RARS2: variants seen among roughly 807,000 people sequenced by gnomAD.
The protein encoded by RARS2 is arginyl-tRNA synthetase 2, mitochondrial, also known as probable arginine--tRNA ligase, mitochondrial.
RARS2 carries 67 observed loss-of-function variants against 88.5 expected under a neutral mutation model. The ratio of observed to expected loss-of-function variants is 0.76; its 90% CI spans 0.62 to 0.93. RARS2 has a LOEUF of 0.93. Ranked by LOEUF, RARS2 falls within the 40% of genes least tolerant of loss-of-function variation. The pLI is 0.00. For missense variants in RARS2, 664 were observed against 684.2 expected, an observed-to-expected ratio of 0.97 and a Z score of 0.33; for synonymous variants, 239 against 230.3, an observed-to-expected ratio of 1.04 and a Z score of -0.34.
intron 8 of RARS2, among the ~76,000 whole-genome samples, chr6:87,540,899 C>G (rs974933611): frequency 3.3e-5 from 5 of 151,860 alleles, no homozygotes; most frequent in Non-Finnish European, 7.4e-5. Flanking sequence ...GGAAAAAGCA[C>G]ACACAATTTC....
intron 8 of RARS2, 110 bp from the exon 9 acceptor site, chr6:87,531,052 C>T: frequency 1.3e-6 from 2 of 1,529,380 alleles, no homozygotes; most frequent in Non-Finnish European, 1.8e-6. Context: ...TAAAATTTTC[C>T]AAGTTGGGTA....
At chr6:87,532,162 C>A (rs148482950) in intron 8 of RARS2, among the ~76,000 whole-genome samples, 43 of 152,214 alleles carry the variant, frequency 2.8e-4, no homozygotes, top group African/African-American at 9.6e-4. Context: ...ATGTTAATTA[C>A]TGGAATGACA....
At chr6:87,587,902 C>A (rs1190408412) in intron 1 of RARS2, among the ~76,000 whole-genome samples, 1 of 152,172 alleles carries the variant, frequency 6.6e-6, no homozygotes, top group African/African-American at 2.4e-5. Context: ...TCCCAAGCAG[C>A]TGGGACCACA....
chr6:87,570,450 G>T (rs771613397), intron 1 of RARS2, among the ~76,000 whole-genome samples: 1 of 152,042 alleles, frequency 6.6e-6, no homozygotes, highest in South Asian at 2.1e-4. Flanking sequence ...ACAGAGTCTC[G>T]CTCTGTCACC....
intron 8 of RARS2, among the ~76,000 whole-genome samples, chr6:87,533,358 A>G (rs1222164680): frequency 2.0e-5 from 3 of 152,226 alleles, no homozygotes; most frequent in African/African-American, 7.2e-5. Context: ...AACTGACACT[A>G]TCAAAGAGAA....
chr6:87,589,544 G>A (rs1776332167), intron 1 of RARS2, among the ~76,000 whole-genome samples: 1 of 152,108 alleles, frequency 6.6e-6, no homozygotes. Flanking sequence ...TTAAAATGAG[G>A]TCCTTCTGAA....
chr6:87,589,878 C>T (rs755212890), intron 1 of RARS2, 44 bp downstream of exon 1: 3 of 1,614,064 alleles, frequency 1.9e-6, no homozygotes, highest in African/African-American at 1.3e-5. Flanking sequence ...CCTTTGGGGT[C>T]CCTAGCTCCT....
chr6:87,555,365 A>C (rs1396332941), intron 5 of RARS2, 43 bp downstream of exon 5: 2 of 1,460,808 alleles, frequency 1.4e-6, no homozygotes. Context: ...TCCTCTGCCC[A>C]GTCAACTTGA....
At chr6:87,514,572 A>G in intron 19 of RARS2, 73 bp from the exon 20 acceptor site, 2 of 1,293,604 alleles carry the variant, frequency 1.5e-6, no homozygotes, top group Non-Finnish European at 2.2e-6. Context: ...GAATGGTTTT[A>G]AAGGTTATTC....
Position 87,564,127 on chromosome 6 carries a change from T to C in RARS2, c.213+3A>G. 1.3e-6 allele frequency: 2 copies of C among 1,594,560 alleles called. No individual in the cohort carries two copies. Among genetic ancestry groups the C allele is most frequent in the Admixed American group, 1.7e-5 (1 of 59,998 alleles). ...TCAAAAAGAGATAATAGTGCTAACG[T>C]ACCTTCTCTGCTAGTCTCTTGGCTT... is the stretch of plus-strand genomic sequence containing the variant. On this transcript the variant is annotated splice_donor_region_variant and intron_variant, in intron 3 of 19. Coordinates refer to ENST00000369536, the MANE Select transcript of RARS2 (RefSeq NM_020320.5).
At position 87,555,407 on chromosome 6, in the gene RARS2, C is replaced by A; in HGVS notation, c.395+1G>T. 1.9e-6 allele frequency: 3 copies of A among 1,612,514 alleles called. No individual in the cohort carries two copies. The highest frequency in any genetic ancestry group is 2.5e-6 in the Non-Finnish European group (3 of 1,178,636). ...AACACATAAAAGGGGTGCACCCTCA[C>A]CTGAATTCAACCACAATCTTCTTCT... On this transcript the variant is annotated splice_donor_variant, in intron 5 of 19. Coordinates refer to ENST00000369536, the MANE Select transcript of RARS2 (RefSeq NM_020320.5). LOFTEE classifies it high-confidence loss of function.
In RARS2 at chr6:87,514,505, A is replaced by T; in HGVS notation, c.1651-6T>A. 6.3e-7 allele frequency: 1 copy of T among 1,598,936 alleles called. No individual in the cohort carries two copies. Among genetic ancestry groups the T allele is most frequent in the Non-Finnish European group, 8.6e-7 (1 of 1,166,378 alleles). The stretch of plus-strand genomic sequence containing the variant: ...TTGAAAAGATGAAGTCTGGCCTACA[A>T]AATAAATCAAAGAATGATTTAAAAT... On this transcript the variant is annotated splice_polypyrimidine_tract_variant and splice_region_variant and intron_variant, in intron 19 of 19. Transcript: ENST00000369536.
chr6:87,522,374 C>A (rs1774206331), intron 11 of RARS2, among the ~76,000 whole-genome samples: 1 of 141,512 alleles, frequency 7.1e-6, no homozygotes. Flanking sequence ...AGTCCTTTGA[C>A]AGAATTTCTA....
intron 10 of RARS2, among the ~76,000 whole-genome samples, chr6:87,526,546 C>T (rs1775781838): frequency 6.6e-6 from 1 of 151,500 alleles, no homozygotes; most frequent in Non-Finnish European, 1.5e-5. Context: ...AGGCATCGCA[C>T]TACCTAATCT....
rs1015440377 is a variant in RARS2, at chr6:87,548,507, A to G, written c.451+84T>C. Reference sequence around the variant, plus strand: ...ACTTTTTGTTTTTTGCTATTTTGTTATTTAAGCATTAAAACATTAAATTGA... The same window carrying G: ...ACTTTTTGTTTTTTGCTATTTTGTTGTTTAAGCATTAAAACATTAAATTGA... On this transcript the variant is annotated intron_variant, in intron 6 of 19. Transcript: ENST00000369536. 8 of 1,345,282 alleles carry G rather than the reference A, an allele frequency of 5.9e-6. No individual in the cohort carries two copies. The African/African-American group carries it at 1.0e-4, about 17-fold the overall frequency. 83.3% of individuals were successfully genotyped at this position (1,345,282 alleles called of 1,614,324 possible).
chr6:87,547,507 T>C (rs1305592458), intron 6 of RARS2, among the ~76,000 whole-genome samples: 1 of 152,236 alleles, frequency 6.6e-6, no homozygotes, highest in Non-Finnish European at 1.5e-5. Context: ...TCTAATATTA[T>C]ATAATTTTAA....
At chr6:87,589,771 C>G in intron 1 of RARS2, 151 bp downstream of exon 1, 1 of 1,574,754 alleles carries the variant, frequency 6.4e-7, no homozygotes, top group Non-Finnish European at 8.6e-7. Context: ...TGAAGCTCCA[C>G]CAGCTCCAGA....
chr6:87,581,532 T>C (rs906588089), intron 1 of RARS2, among the ~76,000 whole-genome samples: 3 of 152,168 alleles, frequency 2.0e-5, no homozygotes, highest in East Asian at 3.9e-4. Context: ...ATTAAAACTT[T>C]GGGGCTTAGA....
In RARS2 at chr6:87,555,434, G is replaced by T. The variant is rs1785575380; in HGVS notation, c.369C>A (p.Pro123=). The part of the protein sequence containing the change: ...GLKSELFSGL[P]QKKIVVEFSS... ...TGAATTCAACCACAATCTTCTTCTG[G>T]GGAAGTCCAGAGAAAAGTTCACTTT... The change falls in exon 5 of 20, where the codon CCC becomes CCA. Residue 123 remains proline, a synonymous_variant. Transcript: ENST00000369536. 1 of 1,613,626 alleles carries T rather than the reference G, an allele frequency of 6.2e-7. No homozygotes were observed. Among genetic ancestry groups the T allele is most frequent in the African/African-American group, 1.3e-5 (1 of 74,872 alleles).
Sources: allele counts gnomAD v4.1 joint callset (sites outside exome capture counted in the v4.1 genomes callset), GRCh38; gene constraint gnomAD v4.1.1; transcripts MANE v1.5; gene names NCBI Gene and HGNC (gene_info 2026-07-23, HGNC 2026-07-21).